ATP9B: variants seen among roughly 807,000 people sequenced by gnomAD.
ATP9B encodes the protein ATPase phospholipid transporting 9B, also known as probable phospholipid-transporting ATPase IIB.
In ATP9B, 110 loss-of-function variants were observed where a neutral mutation model predicts 146.1. That is an observed-to-expected ratio of 0.75 (90% CI 0.65 to 0.88). The LOEUF is 0.88. Ranked by LOEUF, ATP9B falls within the 40% of genes least tolerant of loss-of-function variation. The pLI, the probability that ATP9B is intolerant of heterozygous loss-of-function variation, is 0.00. For synonymous variants in ATP9B, 604 were observed against 569.7 expected (o/e 1.06, Z -0.86); for missense variants, 1,499 against 1,496.4 (o/e 1.00, Z -0.03).
At chr18:79,161,266 C>G (rs975791244) in intron 7 of ATP9B, among the ~76,000 whole-genome samples, 1 of 152,190 alleles carries the variant, frequency 6.6e-6, no homozygotes, top group Non-Finnish European at 1.5e-5. Context: ...TTTTGTCTTA[C>G]ATTCCATGTT....
In ATP9B at chr18:79,153,395, T is replaced by C. The variant is rs749604307; in HGVS notation, c.727-1109T>C. 9.5e-4 allele frequency among the ~76,000 whole-genome samples: 144 copies of C among 152,208 alleles called. 1 individual carries two copies. Among genetic ancestry groups the C allele is most frequent in the Non-Finnish European group, 9.6e-4 (65 of 68,042 alleles). On this transcript the variant is annotated intron_variant, in intron 6 of 29. Coordinates refer to ENST00000426216, the MANE Select transcript of ATP9B (RefSeq NM_198531.5). Reference sequence around the variant, plus strand: ...TGAGTTTTTCTGTGTCATGAAAGAATATCTCCTCAAATCTGTGGGGTTTTG... The same window carrying C: ...TGAGTTTTTCTGTGTCATGAAAGAACATCTCCTCAAATCTGTGGGGTTTTG...
intron 11 of ATP9B, among the ~76,000 whole-genome samples, chr18:79,216,029 T>C (rs2148437781): frequency 6.6e-6 from 1 of 152,284 alleles, no homozygotes; most frequent in Non-Finnish European, 1.5e-5. Context: ...AGTTCTAGGA[T>C]TTTTTTCCTA....
intron 11 of ATP9B, among the ~76,000 whole-genome samples, chr18:79,233,549 A>G (rs779613289): frequency 6.6e-6 from 1 of 152,236 alleles, no homozygotes; most frequent in Non-Finnish European, 1.5e-5. Context: ...TGGGAAAGGC[A>G]CACGCATGAC....
intron 12 of ATP9B, among the ~76,000 whole-genome samples, chr18:79,276,011 G>A (rs1160298247): frequency 1.3e-5 from 2 of 152,196 alleles, no homozygotes; most frequent in Admixed American, 1.3e-4. Flanking sequence ...TAATAGTTGA[G>A]CTATGTGAAT....
chr18:79,116,935 AAAATT>A (rs1325141614), intron 4 of ATP9B, among the ~76,000 whole-genome samples: 5 of 111,894 alleles, frequency 4.5e-5, no homozygotes, highest in Non-Finnish European at 9.4e-5. Flanking sequence ...AAAAAAAAAA[AAAATT>A]AAAAAAAAAA....
intron 8 of ATP9B, among the ~76,000 whole-genome samples, chr18:79,189,030 T>G (rs1026807355): frequency 1.3e-5 from 2 of 152,164 alleles, no homozygotes; most frequent in Non-Finnish European, 2.9e-5. Context: ...GTAAAAATTG[T>G]ACCATTTCAC....
At chr18:79,252,833 CAG>C (rs1252356210) in intron 11 of ATP9B, among the ~76,000 whole-genome samples, 5 of 138,800 alleles carry the variant, frequency 3.6e-5, no homozygotes, top group Admixed American at 7.3e-5. Flanking sequence ...CAAGTTCTTT[CAG>C]AGAGACTGCT....
intron 4 of ATP9B, among the ~76,000 whole-genome samples, chr18:79,119,085 A>C (rs2094144188): frequency 1.3e-5 from 2 of 149,654 alleles, no homozygotes; most frequent in Non-Finnish European, 3.0e-5. Flanking sequence ...AAAAAAAAAA[A>C]AAAATTGCCT....
chr18:79,138,265 T>A lies in ATP9B; in HGVS notation c.668-5537T>A, dbSNP rs142879848. Among the ~76,000 whole-genome samples, 498 of 152,296 alleles carry A rather than the reference T, an allele frequency of 3.3e-3. 3 individuals are homozygous for A. The highest frequency in any genetic ancestry group is 6.8e-3 in the Middle Eastern group (2 of 294). On this transcript the variant is annotated intron_variant, in intron 5 of 29. Coordinates refer to ENST00000426216, the MANE Select transcript of ATP9B (RefSeq NM_198531.5). Reference sequence around the variant, plus strand: ...TTTATTGGAATTATTTTTAGGAACGTTTATATGAAATATGTGGATGTTGTG... The same window carrying A: ...TTTATTGGAATTATTTTTAGGAACGATTATATGAAATATGTGGATGTTGTG...
At chr18:79,341,129 G>C (rs1020617728) in intron 19 of ATP9B, among the ~76,000 whole-genome samples, 2 of 152,214 alleles carry the variant, frequency 1.3e-5, no homozygotes, top group Admixed American at 6.5e-5. Flanking sequence ...AATTGTGGTT[G>C]GATGTGTGTA....
chr18:79,348,338 A>G lies in ATP9B; in HGVS notation c.2903+142A>G, dbSNP rs953729236. 1.6e-4 allele frequency: 123 copies of G among 785,886 alleles called. 1 individual carries two copies. The South Asian group carries it at 2.0e-3, about 13-fold the overall frequency. 48.7% of individuals were successfully genotyped at this position (785,886 alleles called of 1,614,324 possible). On this transcript the variant is annotated intron_variant, in intron 25 of 29. Transcript: ENST00000426216. ...AATGAATAATACTGATGTAAAAACA[A>G]CATTTTACTTGGGTGAACTTCAAGA...
At chr18:79,224,176 C>G (rs1025782233) in intron 11 of ATP9B, among the ~76,000 whole-genome samples, 1 of 152,144 alleles carries the variant, frequency 6.6e-6, no homozygotes, top group Non-Finnish European at 1.5e-5. Context: ...ATTCAAGAAG[C>G]AAGTATTTTC....
Position 79,344,993 on chromosome 18 carries a change from G to A in ATP9B, c.2473-435G>A, listed in dbSNP as rs1463560809. Reference sequence around the variant, plus strand: ...TTTGCACAGGCTCCTGGGCTTAATCGTCCTGGACCTCTGTTGTTGCTAGTG... The same window carrying A: ...TTTGCACAGGCTCCTGGGCTTAATCATCCTGGACCTCTGTTGTTGCTAGTG... On this transcript the variant is annotated intron_variant, in intron 21 of 29. Coordinates refer to ENST00000426216, the MANE Select transcript of ATP9B (RefSeq NM_198531.5). Among the ~76,000 whole-genome samples, 6 of 152,296 alleles carry A rather than the reference G, an allele frequency of 3.9e-5. No individual in the cohort carries two copies. In the East Asian group the frequency reaches 7.7e-4, roughly 20 times the overall value.
chr18:79,161,833 G>T (rs900276213), intron 7 of ATP9B, among the ~76,000 whole-genome samples: 1 of 152,088 alleles, frequency 6.6e-6, no homozygotes, highest in South Asian at 2.1e-4. Flanking sequence ...GTGACAGAGC[G>T]AGACTCCGTC....
At chr18:79,351,950 C>G (rs1026372343) in intron 25 of ATP9B, among the ~76,000 whole-genome samples, 4 of 152,148 alleles carry the variant, frequency 2.6e-5, no homozygotes, top group African/African-American at 7.2e-5. Flanking sequence ...ATGCCCTCCC[C>G]GAGAAAGAGA....
rs186254235 is a variant in ATP9B, at chr18:79,289,609, A to G, written c.1411+12413A>G. Among the ~76,000 whole-genome samples, 23 of 151,962 alleles carry G rather than the reference A, an allele frequency of 1.5e-4. No individual in the cohort carries two copies. In the East Asian group the frequency reaches 2.9e-3, roughly 19 times the overall value. The stretch of plus-strand genomic sequence containing the variant: ...TTTGATCGTCTGAAGCCTTCTCTCA[A>G]CTCGTCAAAGTCATTCTCCGTCCAG... On this transcript the variant is annotated intron_variant, in intron 13 of 29. Coordinates refer to ENST00000426216, the MANE Select transcript of ATP9B (RefSeq NM_198531.5).
intron 2 of ATP9B, among the ~76,000 whole-genome samples, chr18:79,100,062 G>A (rs973911251): frequency 3.9e-5 from 6 of 152,094 alleles, no homozygotes; most frequent in East Asian, 1.9e-4. Context: ...AGGAGGCGGC[G>A]GTTGCAGTGA....
At chr18:79,339,589 G>C (rs1209584572) in intron 19 of ATP9B, among the ~76,000 whole-genome samples, 1 of 151,682 alleles carries the variant, frequency 6.6e-6, no homozygotes, top group Non-Finnish European at 1.5e-5. Context: ...AGTATATCAT[G>C]ATTGCAGTAG....
chr18:79,243,819 T>C (rs2095913075), intron 11 of ATP9B, among the ~76,000 whole-genome samples: 1 of 152,228 alleles, frequency 6.6e-6, no homozygotes, highest in Non-Finnish European at 1.5e-5. Context: ...CTTTCTGGAA[T>C]CTCACATAAA....
Sources: allele counts gnomAD v4.1 joint callset (sites outside exome capture counted in the v4.1 genomes callset), GRCh38; gene constraint gnomAD v4.1.1; transcripts MANE v1.5; gene names NCBI Gene and HGNC (gene_info 2026-07-23, HGNC 2026-07-21).